Variants in KIZ observed in about 807,000 individuals in gnomAD.
KIZ encodes centrosomal protein kizuna.
KIZ carries 68 observed loss-of-function variants against 79.6 expected under a neutral mutation model. That is an observed-to-expected ratio of 0.85 (90% CI 0.70 to 1.05). The LOEUF (loss-of-function observed/expected upper bound fraction) is 1.05. Among genes scored for constraint, KIZ ranks in the 50% least tolerant of loss-of-function variants. KIZ has a pLI of 0.00. For missense variants in KIZ, 797 were observed against 800.4 expected (o/e 1.00, Z 0.05); for synonymous variants, 280 against 281.8 (o/e 0.99, Z 0.06).
intron 4 of KIZ, among the ~76,000 whole-genome samples, chr20:21,154,987 A>G (rs1012660243): frequency 2.6e-5 from 4 of 152,224 alleles, no homozygotes; most frequent in African/African-American, 9.6e-5. Context: ...CAAATGCAGC[A>G]TTGTCTTATA....
chr20:21,220,474 T>C (rs1262004057), intron 9 of KIZ, among the ~76,000 whole-genome samples: 1 of 152,086 alleles, frequency 6.6e-6, no homozygotes, highest in Non-Finnish European at 1.5e-5. Flanking sequence ...ATTTATTTTG[T>C]TTTTTTATTA....
intron 9 of KIZ, among the ~76,000 whole-genome samples, chr20:21,228,306 C>T (rs1299390873): frequency 2.6e-5 from 4 of 152,180 alleles, no homozygotes; most frequent in Non-Finnish European, 5.9e-5. Context: ...GGTTGTGTCA[C>T]TCAGGTTCTT....
In KIZ at chr20:21,223,432, A is replaced by G. The variant is rs534215389; in HGVS notation, c.1679-5579A>G. Among the ~76,000 whole-genome samples the G allele has an allele frequency of 3.3e-3, 509 of 152,320 alleles. 1 individual carries two copies. The highest frequency in any genetic ancestry group is 5.5e-3 in the Non-Finnish European group (377 of 68,028). ...TTAGGCGGGTCTCTTCTCGTGCATC[A>G]GCCGTCTTCCTGAGAGTGCAGAGAG... On this transcript the variant is annotated intron_variant, in intron 9 of 12. Transcript: ENST00000619189.
chr20:21,237,333 C>A (rs2037049648), intron 11 of KIZ, among the ~76,000 whole-genome samples: 1 of 151,166 alleles, frequency 6.6e-6, no homozygotes, highest in Non-Finnish European at 1.5e-5. Flanking sequence ...TAGATATTGA[C>A]CATGAAATCG....
At chr20:21,146,493 G>T (rs1465420814) in intron 4 of KIZ, among the ~76,000 whole-genome samples, 2 of 152,210 alleles carry the variant, frequency 1.3e-5, no homozygotes, top group Non-Finnish European at 2.9e-5. Flanking sequence ...GGAAGAGTGT[G>T]TGTGCTACAG....
At chr20:21,176,549 A>G (rs1458117266) in intron 6 of KIZ, among the ~76,000 whole-genome samples, 1 of 142,832 alleles carries the variant, frequency 7.0e-6, no homozygotes, top group Admixed American at 7.3e-5. Context: ...AACAAAAAAC[A>G]TTACAAGGCA....
At chr20:21,135,464 T>C (rs966008528) in intron 2 of KIZ, among the ~76,000 whole-genome samples, 1 of 152,244 alleles carries the variant, frequency 6.6e-6, no homozygotes, top group South Asian at 2.1e-4. Context: ...CGCAGAATTA[T>C]TAACACGATA....
intron 6 of KIZ, chr20:21,198,023 A>C (rs935784311): frequency 6.6e-6 from 1 of 152,178 alleles, no homozygotes; most frequent in Non-Finnish European, 1.5e-5. Context: ...TCCAAAATCA[A>C]AAAGATCACA....
At chr20:21,148,239 TA>T (rs1276041528) in intron 4 of KIZ, among the ~76,000 whole-genome samples, 1 of 152,150 alleles carries the variant, frequency 6.6e-6, no homozygotes. Flanking sequence ...CATTCTGAAT[TA>T]TAAAAAGGTA....
upstream of KIZ, chr20:21,125,986 G>A (rs922448319): frequency 1.0e-5 from 13 of 1,296,352 alleles, no homozygotes; most frequent in East Asian, 3.5e-4. Context: ...CCCCCACGGC[G>A]TCTTGCCCCG....
rs1357823041 is a variant in KIZ at position 21,145,602 on chromosome 20, CA to C, written c.357del (p.Asp120IlefsTer5). On this transcript the variant is annotated frameshift_variant, in exon 4 of 13. Coordinates refer to ENST00000619189, the MANE Select transcript of KIZ (RefSeq NM_018474.6). LOFTEE classifies it high-confidence loss of function. ...ACTCAAATTAAGAAGATGCTATGCT[CA>C]AAAGATAGCCTGGGACTAAAAGAGG... ...YETQIKKMLC[S>X]KDSLGLKEEL... is the part of the protein sequence containing the mutation. The C allele has an allele frequency of 4.6e-6, 7 of 1,527,668 alleles. No individual in the cohort carries two copies. The highest frequency in any genetic ancestry group is 6.2e-6 in the Non-Finnish European group (7 of 1,130,500). The allele number at this position is 1,527,668 out of a possible 1,614,324, so 94.6% of individuals were successfully genotyped here. A position where few individuals can be genotyped will look rare whatever the true frequency, so the allele number is the denominator to read the frequency against.
At chr20:21,182,783 T>C (rs2034711136) in intron 6 of KIZ, among the ~76,000 whole-genome samples, 1 of 135,838 alleles carries the variant, frequency 7.4e-6, no homozygotes, top group Non-Finnish European at 1.5e-5. Context: ...GGCAACGGAA[T>C]GAGACTGTCC....
intron 6 of KIZ, 87 bp downstream of exon 6, chr20:21,163,246 G>T: frequency 1.1e-6 from 1 of 897,634 alleles, no homozygotes; most frequent in South Asian, 1.7e-5. Flanking sequence ...GTATTATCGA[G>T]CACTCAGCCA....
intron 6 of KIZ, among the ~76,000 whole-genome samples, chr20:21,185,686 C>T (rs986399700): frequency 6.6e-6 from 1 of 151,194 alleles, no homozygotes; most frequent in Admixed American, 6.6e-5. Context: ...GCTGGGATTA[C>T]AAGCGTGAGC....
At chr20:21,159,880 A>G (rs1049456749) in intron 4 of KIZ, among the ~76,000 whole-genome samples, 1 of 152,198 alleles carries the variant, frequency 6.6e-6, no homozygotes, top group Non-Finnish European at 1.5e-5. Flanking sequence ...CTGCCTAGAT[A>G]TGGAATTGCT....
At position 21,162,403 on chromosome 20, in the gene KIZ, A is replaced by C. The variant is rs756489931; in HGVS notation, c.938A>C (p.Glu313Ala). The change falls in exon 5 of 13, where the codon GAA becomes GCA. Residue 313 changes from glutamate (E) to alanine (A), a missense_variant. Coordinates refer to ENST00000619189, the MANE Select transcript of KIZ (RefSeq NM_018474.6). Reference sequence around the variant, plus strand: ...ACACGGGAACATATTGAAGTTGAGGAAAAAAGAGCCAGCCCGCCAGTCTCT... The same window carrying C: ...ACACGGGAACATATTGAAGTTGAGGCAAAAAGAGCCAGCCCGCCAGTCTCT... ...ILTREHIEVE[E>A]KRASPPVSPI... 6.2e-7 allele frequency: 1 copy of C among 1,613,432 alleles called. No homozygotes were observed. Among genetic ancestry groups the C allele is most frequent in the South Asian group, 1.1e-5 (1 of 91,056 alleles).
intron 4 of KIZ, chr20:21,150,832 G>A (rs2033083195): frequency 6.6e-6 from 1 of 152,274 alleles, no homozygotes. Flanking sequence ...GGTGAGTGAT[G>A]ATAACCTGCT....
At position 21,246,513 on chromosome 20, in the gene KIZ, A is replaced by G. The variant is rs527352773; in HGVS notation, c.1959A>G (p.Glu653=). 44 of 1,611,968 alleles carry G rather than the reference A, an allele frequency of 2.7e-5. No individual in the cohort carries two copies. The Admixed American group carries it at 7.0e-4, about 26-fold the overall frequency. Residue 653 remains glutamate (E), a synonymous_variant, in exon 13 of 13, where the codon GAA becomes GAG. Coordinates refer to ENST00000619189, the MANE Select transcript of KIZ (RefSeq NM_018474.6). The part of the protein sequence containing the change: ...LWDESDDSNS[E]IEAALRPRNH... Reference sequence around the variant, plus strand: ...ATGAGTCTGATGACAGTAACTCAGAAATTGAGGCTGCTTTACGCCCCAGAA... The same window carrying G: ...ATGAGTCTGATGACAGTAACTCAGAGATTGAGGCTGCTTTACGCCCCAGAA...
At chr20:21,246,184 G>A (rs2037380358) in intron 12 of KIZ, 1 of 355,450 alleles carries the variant, frequency 2.8e-6, no homozygotes, top group African/African-American at 2.1e-5. Context: ...CTGCTTCCAT[G>A]TAACCCTGAC....
Sources: gnomAD v4.1 joint callset for allele counts (sites outside exome capture counted in the v4.1 genomes callset) on GRCh38, gnomAD v4.1.1 for gene constraint, MANE v1.5 for transcripts, NCBI Gene and HGNC (gene_info 2026-07-23, HGNC 2026-07-21) for gene names.